The following COX7A2 variants were observed in gnomAD, a reference collection of about 807,000 sequenced individuals.
COX7A2 encodes the protein cytochrome c oxidase subunit 7A2, mitochondrial.
In COX7A2, 11 loss-of-function variants were observed where a neutral mutation model predicts 11.6. The ratio of observed to expected loss-of-function variants is 0.95; its 90% CI spans 0.60 to 1.57. The LOEUF is 1.57. Among genes scored for constraint, COX7A2 ranks in the 40% most tolerant of loss-of-function variants. COX7A2 has a pLI of 0.00. For synonymous variants in COX7A2, 30 were observed against 38.2 expected, an observed-to-expected ratio of 0.78 and a Z score of 0.79; for missense variants, 106 against 100.9, an observed-to-expected ratio of 1.05 and a Z score of -0.22.
chr6:75,246,822 C>T (rs1216771607), upstream of COX7A2, among the ~76,000 whole-genome samples: 1 of 152,154 alleles, frequency 6.6e-6, no homozygotes, highest in African/African-American at 2.4e-5. Flanking sequence ...ATACAAATGA[C>T]TGAAATTTGC....
rs1215350352 is a variant in COX7A2, at chr6:75,237,891, G to C, written c.*39C>G. The C allele has an allele frequency of 6.5e-7, 1 of 1,540,208 alleles. No individual in the cohort carries two copies. Among genetic ancestry groups the C allele is most frequent in the Admixed American group, 1.7e-5 (1 of 59,428 alleles). ...TCAGATTACTGGTCCATAGAGAGCT[G>C]AATGAAACTGAACCAAGCGATTGCT... On this transcript the variant is annotated 3_prime_UTR_variant, in exon 4 of 4. Coordinates refer to ENST00000684430, the MANE Select transcript of COX7A2 (RefSeq NM_001366293.2).
At position 75,241,175 on chromosome 6, in the gene COX7A2, C is replaced by G; in HGVS notation, c.108+1G>C. 4 of 1,599,078 alleles carry G rather than the reference C, an allele frequency of 2.5e-6. No homozygotes were observed. The highest frequency in any genetic ancestry group is 3.4e-6 in the Non-Finnish European group (4 of 1,168,654). On this transcript the variant is annotated splice_donor_variant, in intron 2 of 3. Transcript: ENST00000684430. LOFTEE classifies it high-confidence loss of function. ...ACATCTCCTATAAAATACTTCAGTA[C>G]CTGGAACAGTTTTTGCTTCTCCGGA... is the stretch of plus-strand genomic sequence containing the variant.
At chr6:75,247,734 G>A (rs1487780384), upstream of COX7A2, among the ~76,000 whole-genome samples, 1 of 151,730 alleles carries the variant, frequency 6.6e-6, no homozygotes, top group Admixed American at 6.6e-5. Context: ...AAGGGTCTGG[G>A]GAGTCCTGCC....
chr6:75,245,053 AG>A (rs1771650175), upstream of COX7A2, among the ~76,000 whole-genome samples: 1 of 152,224 alleles, frequency 6.6e-6, no homozygotes, highest in South Asian at 2.1e-4. Flanking sequence ...TTCTCCACTT[AG>A]CCAACTCTAG....
intron 1 of COX7A2, among the ~76,000 whole-genome samples, chr6:75,243,189 A>G (rs763896222): frequency 1.3e-5 from 2 of 152,222 alleles, no homozygotes; most frequent in Non-Finnish European, 2.9e-5. Flanking sequence ...GGGGTGAAGG[A>G]CAATGCACAA....
At chr6:75,238,717 A>C (rs967583780) in intron 3 of COX7A2, among the ~76,000 whole-genome samples, 6 of 151,706 alleles carry the variant, frequency 4.0e-5, no homozygotes, top group African/African-American at 1.4e-4. Flanking sequence ...AAAAAAAAAA[A>C]AAAAAAAAAA....
intron 1 of COX7A2, among the ~76,000 whole-genome samples, chr6:75,249,279 G>C (rs752714167): frequency 2.0e-5 from 3 of 152,134 alleles, no homozygotes; most frequent in African/African-American, 4.8e-5. Context: ...AGAATAAATG[G>C]AGCAGAAATT....
At chr6:75,246,489 T>C (rs1481722486), upstream of COX7A2, among the ~76,000 whole-genome samples, 1 of 152,172 alleles carries the variant, frequency 6.6e-6, no homozygotes, top group Admixed American at 6.5e-5. Flanking sequence ...TTTTAACGGG[T>C]TTCCCTGTTT....
At chr6:75,238,108 A>G (rs1234756533) in intron 3 of COX7A2, 120 bp from the exon 4 acceptor site, 1 of 515,182 alleles carries the variant, frequency 1.9e-6, no homozygotes, top group East Asian at 3.2e-5. Context: ...GGAACACAAA[A>G]AAGTATTTTG....
chr6:75,243,769 A>T lies in COX7A2; in HGVS notation c.-35T>A. The T allele has an allele frequency of 6.2e-7, 1 of 1,614,040 alleles. No homozygotes were observed. The highest frequency in any genetic ancestry group is 8.5e-7 in the Non-Finnish European group (1 of 1,179,944). Reference sequence around the variant, plus strand: ...TACTGACCAGCAACCGCCACAACTGAACACCACCAACGAAAATGGCCACGC... The same window carrying T: ...TACTGACCAGCAACCGCCACAACTGTACACCACCAACGAAAATGGCCACGC... On this transcript the variant is annotated 5_prime_UTR_variant, in exon 1 of 4. Transcript: ENST00000684430.
In COX7A2 at chr6:75,237,878, T is replaced by C; in HGVS notation, c.*52A>G. ...GCTCGGTTATTTATCAGATTACTGG[T>C]CCATAGAGAGCTGAATGAAACTGAA... On this transcript the variant is annotated 3_prime_UTR_variant, in exon 4 of 4. Transcript: ENST00000684430. 2 of 1,375,472 alleles carry C rather than the reference T, an allele frequency of 1.5e-6. No homozygotes were observed. Among genetic ancestry groups the C allele is most frequent in the Non-Finnish European group, 1.0e-6 (1 of 969,040 alleles). The allele number at this position is 1,375,472 out of a possible 1,614,324, so 85.2% of individuals were successfully genotyped here.
upstream of COX7A2, among the ~76,000 whole-genome samples, chr6:75,245,243 G>A (rs1302364152): frequency 3.3e-5 from 5 of 152,208 alleles, no homozygotes; most frequent in African/African-American, 7.2e-5. Flanking sequence ...TGTAATCCCA[G>A]TACTTTGGGA....
At chr6:75,242,956 T>TA (rs1404272724) in intron 1 of COX7A2, among the ~76,000 whole-genome samples, 17 of 152,354 alleles carry the variant, frequency 1.1e-4, no homozygotes, top group Admixed American at 7.8e-4. Context: ...ACATTTTTCC[T>TA]AAAAAATTTT....
chr6:75,242,107 G>A (rs1248049348), intron 1 of COX7A2, among the ~76,000 whole-genome samples: 1 of 152,128 alleles, frequency 6.6e-6, no homozygotes, highest in Admixed American at 6.6e-5. Flanking sequence ...GGCTAAGGCA[G>A]GAGAATCGCT....
chr6:75,242,241 A>C (rs1771526432), intron 1 of COX7A2, among the ~76,000 whole-genome samples: 3 of 151,850 alleles, frequency 2.0e-5, no homozygotes, highest in Non-Finnish European at 2.9e-5. Flanking sequence ...GCGGTGGCTC[A>C]CGCCTGTAAT....
upstream of COX7A2, among the ~76,000 whole-genome samples, chr6:75,247,825 A>G (rs547301852): frequency 6.6e-6 from 1 of 152,238 alleles, no homozygotes; most frequent in South Asian, 2.1e-4. Flanking sequence ...ACTCTGGCAT[A>G]AGGAGGAAGA....
chr6:75,247,108 T>G (rs190483200), upstream of COX7A2, among the ~76,000 whole-genome samples: 101 of 152,310 alleles, frequency 6.6e-4, 1 homozygote, highest in Non-Finnish European at 4.3e-4. Context: ...TAGGTAATGG[T>G]TTAAGTCTCG....
chr6:75,241,634 T>C (rs1771503338), intron 1 of COX7A2, among the ~76,000 whole-genome samples: 1 of 152,122 alleles, frequency 6.6e-6, no homozygotes, highest in Admixed American at 6.6e-5. Context: ...CCAAATATTT[T>C]CATAATATAC....
chr6:75,241,026 C>A (rs1771486181), intron 2 of COX7A2, 150 bp downstream of exon 2: 1 of 955,870 alleles, frequency 1.0e-6, no homozygotes, highest in African/African-American at 1.6e-5. Context: ...GAGACAACCA[C>A]TATTAGCACT....
Sources: gnomAD v4.1 joint callset for allele counts (sites outside exome capture counted in the v4.1 genomes callset) on GRCh38, gnomAD v4.1.1 for gene constraint, MANE v1.5 for transcripts, NCBI Gene and HGNC (gene_info 2026-07-23, HGNC 2026-07-21) for gene names.